Variants in TSNARE1 observed in about 807,000 individuals in gnomAD.
TSNARE1 encodes the protein t-SNARE domain-containing protein 1.
TSNARE1 carries 49 observed loss-of-function variants against 62.0 expected under a neutral mutation model. The ratio of observed to expected loss-of-function variants is 0.79; its 90% confidence interval spans 0.63 to 1.00. TSNARE1 has a LOEUF of 1.00. Among genes scored for constraint, TSNARE1 ranks in the 50% least tolerant of loss-of-function variants. TSNARE1 has a pLI of 0.00. For missense variants in TSNARE1, 755 were observed against 700.1 expected (o/e 1.08, Z -0.88); for synonymous variants, 328 against 294.4 (o/e 1.11, Z -1.17).
chr8:142,357,500 T>G (rs1834840203), intron 1 of TSNARE1, among the ~76,000 whole-genome samples: 1 of 151,846 alleles, frequency 6.6e-6, no homozygotes, highest in African/African-American at 2.4e-5. Context: ...TGGGGGCACG[T>G]GAGGGGCTGG....
chr8:142,214,802 G>A (rs1372283505), intron 13 of TSNARE1, among the ~76,000 whole-genome samples: 5 of 152,180 alleles, frequency 3.3e-5, no homozygotes, highest in Admixed American at 6.5e-5. Context: ...ACGTGAGGAT[G>A]TAGGAGAGGT....
intron 11 of TSNARE1, chr8:142,276,809 AC>A: frequency 6.1e-6 from 6 of 985,360 alleles, no homozygotes; most frequent in Non-Finnish European, 7.2e-6. Flanking sequence ...CCGGCCACAG[AC>A]CCAGGGCGGT....
At chr8:142,354,296 C>A (rs1299713550) in intron 2 of TSNARE1, among the ~76,000 whole-genome samples, 2 of 152,158 alleles carry the variant, frequency 1.3e-5, no homozygotes, top group East Asian at 3.9e-4. Flanking sequence ...CTGCTCCACA[C>A]CGTCATTAGG....
At chr8:142,222,036 TCCACTCATCCAC>T (rs1816289963) in intron 13 of TSNARE1, among the ~76,000 whole-genome samples, 1 of 102,780 alleles carries the variant, frequency 9.7e-6, no homozygotes, top group Non-Finnish European at 2.0e-5. Context: ...CACTCACTCA[TCCACTCATCCAC>T]TCACTCACTC....
At chr8:142,271,041 A>T in intron 12 of TSNARE1, 1 of 985,796 alleles carries the variant, frequency 1.0e-6, no homozygotes, top group Non-Finnish European at 1.2e-6. Flanking sequence ...GAAAGACTGG[A>T]GGCCCTGCTC....
At chr8:142,285,289 T>C (rs1478417939) in intron 10 of TSNARE1, among the ~76,000 whole-genome samples, 2 of 146,062 alleles carry the variant, frequency 1.4e-5, no homozygotes, top group African/African-American at 2.6e-5. Flanking sequence ...GGTGGATGGA[T>C]GGATGGGTAG....
chr8:142,300,890 C>T (rs552563146), intron 9 of TSNARE1, among the ~76,000 whole-genome samples: 1 of 152,314 alleles, frequency 6.6e-6, no homozygotes, highest in South Asian at 2.1e-4. Flanking sequence ...TCATCAGCCC[C>T]CCCGCATCAG....
In TSNARE1 at chr8:142,328,792, G is replaced by A. The variant is rs143508188; in HGVS notation, c.893+2109C>T. On this transcript the variant is annotated intron_variant, in intron 6 of 13. Coordinates refer to ENST00000524325, the MANE Select transcript of TSNARE1 (RefSeq NM_145003.5). ...CGCAACGTGGCCACTGGACTCCAGC[G>A]TGGGGGTCTGTGACAGGGAGGCCTT... 4.4e-4 allele frequency among the ~76,000 whole-genome samples: 65 copies of A among 149,196 alleles called. 3 individuals carry two copies. Among genetic ancestry groups the A allele is most frequent in the African/African-American group, 1.5e-3 (59 of 40,324 alleles).
intron 1 of TSNARE1, among the ~76,000 whole-genome samples, chr8:142,355,272 C>T (rs992086539): frequency 4.6e-5 from 7 of 152,240 alleles, no homozygotes; most frequent in East Asian, 1.9e-4. Context: ...CCGGGGTTGG[C>T]TCTGCCCTGG....
At chr8:142,272,474 G>T in intron 12 of TSNARE1, 1 of 109,982 alleles carries the variant, frequency 9.1e-6, no homozygotes, top group Non-Finnish European at 1.2e-5. Context: ...CCATCCAACT[G>T]CCCGTCTACA....
At chr8:142,301,643 T>C (rs1825796733) in intron 9 of TSNARE1, among the ~76,000 whole-genome samples, 3 of 152,116 alleles carry the variant, frequency 2.0e-5, no homozygotes, top group Admixed American at 2.0e-4. Flanking sequence ...GGTTGTGGGA[T>C]GTGTGACCAT....
intron 1 of TSNARE1, among the ~76,000 whole-genome samples, chr8:142,387,514 G>C (rs1398868536): frequency 6.6e-6 from 1 of 151,844 alleles, no homozygotes; most frequent in Non-Finnish European, 1.5e-5. Flanking sequence ...CAATAAAATG[G>C]AAACTATTCA....
intron 4 of TSNARE1, among the ~76,000 whole-genome samples, chr8:142,338,474 T>TGGCTGCCTGGACCACTGGGCAAGCTGACA (rs1832085597): frequency 6.6e-6 from 1 of 150,854 alleles, no homozygotes; most frequent in African/African-American, 2.4e-5. Flanking sequence ...CAAGCCTGCC[T>TGGCTGCCTGGACCACTGGGCAAGCTGACA]GGCTGCCTGG....
At chr8:142,404,712 C>G (rs917742791), upstream of TSNARE1, 2 of 152,284 alleles carry the variant, frequency 1.3e-5, no homozygotes, top group African/African-American at 4.8e-5. Flanking sequence ...GACTGCTGAC[C>G]CCCCAGCTTC....
At position 142,229,506 on chromosome 8, in the gene TSNARE1, A is replaced by G. The variant is rs577569567; in HGVS notation, c.1520T>C (p.Ile507Thr). 1.3e-6 allele frequency: 2 copies of G among 1,589,174 alleles called. No homozygotes were observed. Among genetic ancestry groups the G allele is most frequent in the South Asian group, 2.2e-5 (2 of 90,146 alleles). Residue 507 changes from isoleucine (I) to threonine (T), a missense_variant, in exon 13 of 14, where the codon ATC becomes ACC. Ile to Thr is a moderately conservative substitution (Grantham distance 89). Transcript: ENST00000524325. ...GCATCACTTTCGGACAGAGGTGGCG[A>G]TGATGATGATGATGACAAGCAGGGC... ...VTALLVIIIIIATSVRK is the reference protein window; with the variant it reads ...VTALLVIIIITATSVRK
At chr8:142,361,236 G>A (rs540160068) in intron 1 of TSNARE1, among the ~76,000 whole-genome samples, 24 of 152,370 alleles carry the variant, frequency 1.6e-4, no homozygotes, top group South Asian at 1.4e-3. Flanking sequence ...GCCTGCTCTC[G>A]GAGACTCTGT....
intron 13 of TSNARE1, among the ~76,000 whole-genome samples, chr8:142,218,741 C>A (rs1039475394): frequency 1.3e-5 from 2 of 152,182 alleles, no homozygotes; most frequent in Non-Finnish European, 2.9e-5. Context: ...CCCCGCCCCA[C>A]CCTGGGTGGC....
chr8:142,341,061 G>A (rs117036449), intron 4 of TSNARE1, among the ~76,000 whole-genome samples: 1,525 of 152,314 alleles, frequency 0.01, 13 homozygotes, highest in Non-Finnish European at 0.013. Context: ...CGCCTGGGTC[G>A]GAAAAGGAGG....
intron 8 of TSNARE1, 56 bp from the exon 9 acceptor site, chr8:142,314,496 G>A: frequency 4.6e-6 from 7 of 1,529,976 alleles, no homozygotes; most frequent in Non-Finnish European, 5.4e-6. Flanking sequence ...GGTGGGGAAG[G>A]GAGAAGAAAT....
Sources: allele counts gnomAD v4.1 joint callset (sites outside exome capture counted in the v4.1 genomes callset), GRCh38; gene constraint gnomAD v4.1.1; transcripts MANE v1.5; gene names NCBI Gene and HGNC (gene_info 2026-07-23, HGNC 2026-07-21).